USO1: variants seen among roughly 807,000 people sequenced by gnomAD.
The protein encoded by USO1 is general vesicular transport factor p115.
In USO1, 57 loss-of-function variants were observed where a neutral mutation model predicts 124.5. The observed-to-expected ratio is 0.46, with a 90% CI of 0.37 to 0.57. The LOEUF (loss-of-function observed/expected upper bound fraction) is 0.57. USO1 is among the 20% of genes least tolerant of loss of function. The probability of loss-of-function intolerance (pLI) is 0.00; values close to 1 mark genes in which losing one functional copy is unlikely to be tolerated. For missense variants in USO1, 900 were observed against 1,040.6 expected (o/e 0.86, Z 1.86); for synonymous variants, 369 against 362.8 (o/e 1.02, Z -0.19).
chr4:75,759,641 G>A (rs1313077264), intron 4 of USO1, among the ~76,000 whole-genome samples: 6 of 151,178 alleles, frequency 4.0e-5, no homozygotes, highest in Non-Finnish European at 1.5e-5. Context: ...GGGCACGGTG[G>A]CTCACGCCTG....
At position 75,813,697 on chromosome 4, in the gene USO1, T is replaced by G. The variant is rs1048537517; in HGVS notation, c.*402T>G. ...GAATTATTATTTCTAAATTCAGCAT[T>G]TGAGTCCTTAGTTGATGATTTTCTT... On this transcript the variant is annotated 3_prime_UTR_variant, in exon 24 of 24. Coordinates refer to ENST00000514213, the MANE Select transcript of USO1 (RefSeq NM_003715.4). 1.3e-5 allele frequency: 2 copies of G among 153,314 alleles called. No homozygotes were observed. Among genetic ancestry groups the G allele is most frequent in the Non-Finnish European group, 2.9e-5 (2 of 68,840 alleles). The allele number at this position is 153,314 out of a possible 1,614,324, so 9.5% of individuals were successfully genotyped here. A position where few individuals can be genotyped will look rare whatever the true frequency, so the allele number is the denominator to read the frequency against.
chr4:75,728,247 T>G (rs1356489295), intron 1 of USO1, among the ~76,000 whole-genome samples: 1 of 152,110 alleles, frequency 6.6e-6, no homozygotes, highest in Non-Finnish European at 1.5e-5. Context: ...AATTTAAGTA[T>G]CTTTTAAATG....
chr4:75,810,039 G>A (rs1723101924), intron 21 of USO1, among the ~76,000 whole-genome samples: 1 of 152,188 alleles, frequency 6.6e-6, no homozygotes, highest in Non-Finnish European at 1.5e-5. Context: ...CACTAATAAT[G>A]ATATTTGGCT....
At chr4:75,808,119 G>T (rs1041584965) in intron 20 of USO1, among the ~76,000 whole-genome samples, 1 of 152,116 alleles carries the variant, frequency 6.6e-6, no homozygotes, top group Non-Finnish European at 1.5e-5. Context: ...GGGATGGGGG[G>T]ATATGGGGAG....
intron 1 of USO1, among the ~76,000 whole-genome samples, chr4:75,733,194 G>A (rs972663879): frequency 6.6e-6 from 1 of 151,960 alleles, no homozygotes; most frequent in African/African-American, 2.4e-5. Flanking sequence ...AGGAGGCAGA[G>A]GTTGCAGTGA....
In USO1 at chr4:75,740,443, A is replaced by G. The variant is rs934331113; in HGVS notation, c.67-11930A>G. Among the ~76,000 whole-genome samples, 8 of 152,268 alleles carry G rather than the reference A, an allele frequency of 5.3e-5. No individual in the cohort carries two copies. In the East Asian group the frequency reaches 7.7e-4, roughly 15 times the overall value. ...GCTAGGACTACAGGCACTCGCCAAC[A>G]TGCCTGGTTAATTTTTAAATTTCTT... On this transcript the variant is annotated intron_variant, in intron 1 of 23. Transcript: ENST00000514213.
At chr4:75,759,335 T>C (rs970719154) in intron 4 of USO1, among the ~76,000 whole-genome samples, 1 of 139,396 alleles carries the variant, frequency 7.2e-6, no homozygotes, top group Non-Finnish European at 1.5e-5. Flanking sequence ...GGCTCGCGCC[T>C]GTAATCCCAG....
At chr4:75,762,116 A>G (rs186997443) in intron 4 of USO1, among the ~76,000 whole-genome samples, 189 of 151,190 alleles carry the variant, frequency 1.3e-3, no homozygotes, top group Non-Finnish European at 1.5e-3. Flanking sequence ...AAGCCCAGAG[A>G]TGATGTAACT....
intron 4 of USO1, among the ~76,000 whole-genome samples, chr4:75,766,953 A>G (rs976471532): frequency 2.6e-5 from 4 of 152,230 alleles, no homozygotes; most frequent in Admixed American, 6.5e-5. Context: ...TACCTGTGTT[A>G]GTAATGTACC....
intron 1 of USO1, among the ~76,000 whole-genome samples, chr4:75,740,571 G>A (rs537740522): frequency 7.7e-4 from 117 of 152,300 alleles, no homozygotes; most frequent in Admixed American, 2.2e-3. Flanking sequence ...ACAGACATGA[G>A]CTACTGCGCC....
At chr4:75,728,802 G>GT (rs1720539988) in intron 1 of USO1, among the ~76,000 whole-genome samples, 1 of 151,852 alleles carries the variant, frequency 6.6e-6, no homozygotes, top group African/African-American at 2.4e-5. Context: ...TTTTGTTTTT[G>GT]TTTTGTTTTG....
At chr4:75,733,634 G>A (rs1424655704) in intron 1 of USO1, among the ~76,000 whole-genome samples, 1 of 152,158 alleles carries the variant, frequency 6.6e-6, no homozygotes, top group Non-Finnish European at 1.5e-5. Context: ...TTGGAGAAGT[G>A]TCTGTTCATG....
rs534043134 is a variant in USO1, at chr4:75,756,850, A to G, written c.219-647A>G. On this transcript the variant is annotated intron_variant, in intron 3 of 23. Transcript: ENST00000514213. ...TTTTTAAGAAAATAATATATAAAGA[A>G]GAAAAACACTCTAGTAGTTGAACTA... 1.4e-4 allele frequency among the ~76,000 whole-genome samples: 22 copies of G among 152,150 alleles called. No homozygotes were observed. In the East Asian group the frequency reaches 4.2e-3, roughly 29 times the overall value.
At chr4:75,802,382 A>G (rs562786613) in intron 17 of USO1, among the ~76,000 whole-genome samples, 29 of 152,348 alleles carry the variant, frequency 1.9e-4, no homozygotes, top group Non-Finnish European at 3.8e-4. Flanking sequence ...TATAGAGTCT[A>G]TACTTGGGGC....
In USO1 at chr4:75,805,287, C is replaced by A; in HGVS notation, c.2273C>A (p.Ser758Tyr). ...CAAAGCCAGCTGACTGAAAAGGACT[C>A]TATGATTGAAAATATGGTAAAGTAA... Reference protein sequence around the residue: ...LLQSQLTEKDSMIENMKSSQT... With the variant: ...LLQSQLTEKDYMIENMKSSQT... Residue 758 changes from serine (S) to tyrosine (Y), a missense_variant, in exon 19 of 24, where the codon TCT becomes TAT. Ser to Tyr is a moderately radical substitution (Grantham distance 144, BLOSUM62 -2). Coordinates refer to ENST00000514213, the MANE Select transcript of USO1 (RefSeq NM_003715.4). The A allele has an allele frequency of 6.2e-7, 1 of 1,601,442 alleles. No individual in the cohort carries two copies. The highest frequency in any genetic ancestry group is 8.5e-7 in the Non-Finnish European group (1 of 1,175,620).
rs961890678 is a variant in USO1 at position 75,793,589 on chromosome 4, G to A, written c.1241-101G>A. 1.0e-5 allele frequency: 14 copies of A among 1,381,834 alleles called. No homozygotes were observed. The African/African-American group carries it at 1.9e-4, about 19-fold the overall frequency. The allele number at this position is 1,381,834 out of a possible 1,614,324, so 85.6% of individuals were successfully genotyped here. ...TACATGTTTAATGATTATATTTAAT[G>A]GTATTTCACACTATTTTATGTGTAC... is the stretch of plus-strand genomic sequence containing the variant. On this transcript the variant is annotated intron_variant, in intron 12 of 23. Transcript: ENST00000514213.
At chr4:75,727,773 C>A (rs1458967369) in intron 1 of USO1, among the ~76,000 whole-genome samples, 1 of 152,022 alleles carries the variant, frequency 6.6e-6, no homozygotes, top group African/African-American at 2.4e-5. Context: ...CTTTTTCTAA[C>A]ATCTTTTTTC....
intron 1 of USO1, among the ~76,000 whole-genome samples, chr4:75,750,692 C>G (rs1721276166): frequency 6.6e-6 from 1 of 150,486 alleles, no homozygotes; most frequent in Admixed American, 6.7e-5. Context: ...ACCATGTTGG[C>G]CAGGATGGTC....
intron 1 of USO1, among the ~76,000 whole-genome samples, chr4:75,733,207 C>T (rs1025507086): frequency 9.2e-5 from 14 of 151,706 alleles, no homozygotes; most frequent in African/African-American, 1.5e-4. Flanking sequence ...TGCAGTGAGC[C>T]GAGATCACGC....
Sources: gnomAD v4.1 joint callset for allele counts (sites outside exome capture counted in the v4.1 genomes callset) on GRCh38, gnomAD v4.1.1 for gene constraint, MANE v1.5 for transcripts, NCBI Gene and HGNC (gene_info 2026-07-23, HGNC 2026-07-21) for gene names.